The following FRMD4A variants were observed in gnomAD, a reference collection of about 807,000 sequenced individuals.
FRMD4A encodes FERM domain containing 4A.
Under a neutral mutation model 129.1 loss-of-function variants are expected in FRMD4A, and 29 were observed. The ratio of observed to expected loss-of-function variants is 0.22; its 90% CI spans 0.17 to 0.31. The LOEUF (loss-of-function observed/expected upper bound fraction) is 0.31, where lower values mean the gene tolerates loss of function less well. FRMD4A is among the 10% of genes least tolerant of loss of function. The pLI is 1.00. For synonymous variants in FRMD4A, 634 were observed against 571.6 expected (o/e 1.11, Z -1.56); for missense variants, 1,272 against 1,375.8 (o/e 0.92, Z 1.19).
At chr10:13,944,218 A>G (rs2095315104) in intron 2 of FRMD4A, among the ~76,000 whole-genome samples, 1 of 152,108 alleles carries the variant, frequency 6.6e-6, no homozygotes, top group Non-Finnish European at 1.5e-5. Context: ...GCCACTCCCC[A>G]TTGCTCACAT....
At chr10:14,253,765 A>T (rs1258224487) in intron 2 of FRMD4A, among the ~76,000 whole-genome samples, 1 of 151,740 alleles carries the variant, frequency 6.6e-6, no homozygotes, top group Non-Finnish European at 1.5e-5. Context: ...CCCTCCTCTT[A>T]TTGTTTTGCT....
intron 2 of FRMD4A, chr10:13,890,529 C>A (rs2257199): frequency 1 from 977,572 of 979,794 alleles, 487,719 homozygotes; most frequent in South Asian, 1. Flanking sequence ...CAATCAGGTC[C>A]AGGCAGATGT....
chr10:14,182,511 C>T (rs1354814164), intron 2 of FRMD4A, among the ~76,000 whole-genome samples: 1 of 152,208 alleles, frequency 6.6e-6, no homozygotes, highest in African/African-American at 2.4e-5. Flanking sequence ...CTTGCCACTG[C>T]ACTCCAGCCT....
chr10:13,959,310 A>G (rs2095430881), intron 2 of FRMD4A, among the ~76,000 whole-genome samples: 1 of 152,006 alleles, frequency 6.6e-6, no homozygotes, highest in Non-Finnish European at 1.5e-5. Context: ...TATCTCTACT[A>G]AAAATATAAA....
chr10:14,202,691 G>A (rs117117447), intron 2 of FRMD4A, among the ~76,000 whole-genome samples: 6,785 of 152,162 alleles, frequency 0.045, 244 homozygotes, highest in Non-Finnish European at 0.066. Context: ...ATGAGCCACC[G>A]CGACTGGCTA....
chr10:13,931,422 C>T (rs2095193339), intron 2 of FRMD4A, among the ~76,000 whole-genome samples: 2 of 152,100 alleles, frequency 1.3e-5, no homozygotes, highest in Non-Finnish European at 2.9e-5. Flanking sequence ...TTGCTGTGCC[C>T]CCCGAGGACC....
intron 9 of FRMD4A, among the ~76,000 whole-genome samples, chr10:13,743,803 C>T (rs544922112): frequency 1.3e-5 from 2 of 152,212 alleles, no homozygotes; most frequent in South Asian, 4.2e-4. Context: ...CAATCCTGAC[C>T]GAGAACCTAT....
In FRMD4A at chr10:13,657,599, C is replaced by G. The variant is rs2082278859; in HGVS notation, c.2067-77G>C. ...GGGGTGCTCCGGGGAGGAGGGGGTCCTGAGGAGGGCACTGGGTGTCTGCAC... is the reference window on the plus strand; with the variant it reads ...GGGGTGCTCCGGGGAGGAGGGGGTCGTGAGGAGGGCACTGGGTGTCTGCAC... On this transcript the variant is annotated intron_variant, in intron 21 of 24. Coordinates refer to ENST00000357447, the MANE Select transcript of FRMD4A (RefSeq NM_018027.5). The G allele has an allele frequency of 4.8e-6, 7 of 1,449,546 alleles. No homozygotes were observed. The South Asian group carries it at 7.1e-5, about 15-fold the overall frequency. The allele number at this position is 1,449,546 out of a possible 1,614,324, so 89.8% of individuals were successfully genotyped here. A position where few individuals can be genotyped will look rare whatever the true frequency, so the allele number is the denominator to read the frequency against.
chr10:13,682,527 G>A (rs12782547), intron 15 of FRMD4A, among the ~76,000 whole-genome samples: 5 of 124,512 alleles, frequency 4.0e-5, no homozygotes, highest in African/African-American at 1.2e-4. Flanking sequence ...TTGAGACAGA[G>A]TCTCGCTTTG....
intron 2 of FRMD4A, among the ~76,000 whole-genome samples, chr10:14,180,495 G>A (rs1025764919): frequency 2.0e-5 from 3 of 152,150 alleles, no homozygotes; most frequent in Non-Finnish European, 4.4e-5. Context: ...GATAACAGAA[G>A]ACCCAACCTC....
At chr10:14,066,312 G>C in intron 2 of FRMD4A, among the ~76,000 whole-genome samples, 1 of 151,956 alleles carries the variant, frequency 6.6e-6, no homozygotes, top group Middle Eastern at 3.2e-3. Flanking sequence ...TCTTGGTGGG[G>C]GGTGTGGGGG....
intron 3 of FRMD4A, among the ~76,000 whole-genome samples, chr10:13,830,683 C>A (rs562876253): frequency 1.3e-5 from 2 of 152,146 alleles, no homozygotes; most frequent in East Asian, 3.9e-4. Flanking sequence ...GAAAGCAAAG[C>A]GGGAGGTGTA....
chr10:14,185,646 G>A (rs1321418295), intron 2 of FRMD4A, among the ~76,000 whole-genome samples: 1 of 152,206 alleles, frequency 6.6e-6, no homozygotes, highest in African/African-American at 2.4e-5. Flanking sequence ...GAGAGCTGCA[G>A]GGGCGGTTGT....
At chr10:14,307,376 G>A (rs562755634) in intron 2 of FRMD4A, among the ~76,000 whole-genome samples, 2 of 152,346 alleles carry the variant, frequency 1.3e-5, no homozygotes, top group East Asian at 3.9e-4. Context: ...AAAAGAAAAA[G>A]AGGATGAGCG....
intron 14 of FRMD4A, among the ~76,000 whole-genome samples, chr10:13,699,244 T>TTG (rs35039711): frequency 6.9e-6 from 1 of 145,092 alleles, no homozygotes; most frequent in African/African-American, 2.5e-5. Flanking sequence ...TTTTTTTTTT[T>TTG]TTTTGTATTT....
At chr10:13,740,466 C>T (rs760638298) in intron 10 of FRMD4A, 46 bp downstream of exon 10, 8 of 1,107,402 alleles carry the variant, frequency 7.2e-6, no homozygotes, top group Non-Finnish European at 9.6e-6. Flanking sequence ...GATATATTAA[C>T]ACACACAAAC....
intron 2 of FRMD4A, among the ~76,000 whole-genome samples, chr10:14,052,057 CAG>C (rs747389148): frequency 1.2e-3 from 182 of 152,246 alleles, no homozygotes; most frequent in Middle Eastern, 3.4e-3. Flanking sequence ...GAGACAGACA[CAG>C]AGAGAAGAAC....
At chr10:13,673,113 C>T (rs574454424) in intron 16 of FRMD4A, among the ~76,000 whole-genome samples, 16 of 152,194 alleles carry the variant, frequency 1.1e-4, no homozygotes, top group African/African-American at 3.9e-4. Context: ...TTATTAAAAA[C>T]AAAACAAGGC....
chr10:13,870,331 C>CT (rs531628792), intron 2 of FRMD4A, among the ~76,000 whole-genome samples: 7 of 152,356 alleles, frequency 4.6e-5, no homozygotes, highest in South Asian at 4.1e-4. Context: ...CACCAGATCC[C>CT]TTTTTTTCAA....
Sources: allele counts gnomAD v4.1 joint callset (sites outside exome capture counted in the v4.1 genomes callset), GRCh38; gene constraint gnomAD v4.1.1; transcripts MANE v1.5; gene names NCBI Gene and HGNC (gene_info 2026-07-23, HGNC 2026-07-21).